The following MERTK variants were observed in gnomAD, a reference collection of about 807,000 sequenced individuals.
The protein encoded by MERTK is MER proto-oncogene, tyrosine kinase.
In MERTK, 69 loss-of-function variants were observed where a neutral mutation model predicts 99.3. The ratio of observed to expected loss-of-function variants is 0.70; its 90% confidence interval spans 0.57 to 0.85. The LOEUF is 0.85. MERTK is among the 40% of genes least tolerant of loss of function. MERTK has a pLI of 0.00. For missense variants in MERTK, 1,125 were observed against 1,249.4 expected, an observed-to-expected ratio of 0.90 and a Z score of 1.50; for synonymous variants, 426 against 467.6, an observed-to-expected ratio of 0.91 and a Z score of 1.15.
At chr2:112,025,895 A>G (rs995671482) in intron 18 of MERTK, among the ~76,000 whole-genome samples, 16 of 152,168 alleles carry the variant, frequency 1.1e-4, no homozygotes, top group African/African-American at 3.4e-4. Context: ...ACCACCATCT[A>G]TCTCCAAAAC....
At position 111,966,601 on chromosome 2, in the gene MERTK, A is replaced by G. The variant is rs1462449985; in HGVS notation, c.844+1324A>G. 3.3e-5 allele frequency among the ~76,000 whole-genome samples: 5 copies of G among 152,192 alleles called. No homozygotes were observed. In the East Asian group the frequency reaches 9.6e-4, roughly 29 times the overall value. On this transcript the variant is annotated intron_variant, in intron 5 of 18. Coordinates refer to ENST00000295408, the MANE Select transcript of MERTK (RefSeq NM_006343.3). ...AGAATCTCAGCTAAGGTTTTATTCT[A>G]TTAGATCATTCCCCAAACTTCTGTT...
chr2:111,915,034 G>A (rs780174782), intron 1 of MERTK, among the ~76,000 whole-genome samples: 2 of 152,026 alleles, frequency 1.3e-5, no homozygotes, highest in African/African-American at 4.8e-5. Context: ...TTTGTTTTTC[G>A]GTAGTTTAAA....
intron 10 of MERTK, among the ~76,000 whole-genome samples, chr2:111,999,380 C>G (rs887195393): frequency 6.6e-6 from 1 of 152,086 alleles, no homozygotes; most frequent in African/African-American, 2.4e-5. Context: ...CTCACTGCAG[C>G]CTTGTCCTCC....
intron 15 of MERTK, among the ~76,000 whole-genome samples, chr2:112,015,451 T>C (rs945915897): frequency 1.3e-5 from 2 of 152,210 alleles, no homozygotes; most frequent in Non-Finnish European, 2.9e-5. Context: ...CATCTTGCCA[T>C]GTGCTTATTT....
chr2:112,012,205 T>C (rs1270252725), intron 15 of MERTK, among the ~76,000 whole-genome samples: 5 of 152,050 alleles, frequency 3.3e-5, no homozygotes, highest in Non-Finnish European at 7.4e-5. Context: ...GGAGGGATTG[T>C]GCAGAGAAAT....
At chr2:111,951,549 A>ATATATATATATATATATATAT (rs1685057322) in intron 4 of MERTK, among the ~76,000 whole-genome samples, 1 of 118,772 alleles carries the variant, frequency 8.4e-6, no homozygotes, top group African/African-American at 2.9e-5. Flanking sequence ...ATATATATAT[A>ATATATATATATATATATATAT]CCATAATTTT....
At position 112,003,953 on chromosome 2, in the gene MERTK, C is replaced by A; in HGVS notation, c.1836C>A (p.Thr612=). The A allele has an allele frequency of 1.2e-6, 2 of 1,613,684 alleles. No individual in the cohort carries two copies. Among genetic ancestry groups the A allele is most frequent in the Non-Finnish European group, 1.7e-6 (2 of 1,179,648 alleles). Residue 612 remains threonine, a synonymous_variant, in exon 13 of 19, where the codon ACC becomes ACA. Transcript: ENST00000295408. ...GAAATCTTAAGCAGGAAGATGGGACCTCTCTGAAAGTGGCAGTGAAGACCA... is the reference window on the plus strand; with the variant it reads ...GAAATCTTAAGCAGGAAGATGGGACATCTCTGAAAGTGGCAGTGAAGACCA... ...MEGNLKQEDG[T]SLKVAVKTMK...
intron 4 of MERTK, among the ~76,000 whole-genome samples, chr2:111,956,809 A>T (rs1393135675): frequency 6.6e-6 from 1 of 152,064 alleles, no homozygotes; most frequent in Non-Finnish European, 1.5e-5. Context: ...CTACAGGGAT[A>T]AGAAGCTTTT....
intron 4 of MERTK, among the ~76,000 whole-genome samples, chr2:111,964,227 T>G (rs1274921487): frequency 2.6e-5 from 4 of 152,122 alleles, no homozygotes; most frequent in Non-Finnish European, 1.5e-5. Flanking sequence ...TTGATATCAG[T>G]AGAGACTCCT....
chr2:112,001,546 C>T (rs147900620), intron 11 of MERTK, among the ~76,000 whole-genome samples: 14 of 152,224 alleles, frequency 9.2e-5, no homozygotes, highest in Admixed American at 5.9e-4. Context: ...AAAAGAGGAA[C>T]CTTCTAGGGT....
At chr2:111,918,433 T>C (rs927738422) in intron 1 of MERTK, among the ~76,000 whole-genome samples, 1 of 152,140 alleles carries the variant, frequency 6.6e-6, no homozygotes, top group Non-Finnish European at 1.5e-5. Flanking sequence ...GAGCATCTCA[T>C]CTGGGTCTTA....
intron 11 of MERTK, among the ~76,000 whole-genome samples, 192 bp downstream of exon 11, chr2:112,001,478 T>C (rs1676868341): frequency 6.6e-6 from 1 of 152,228 alleles, no homozygotes; most frequent in African/African-American, 2.4e-5. Context: ...GCTAATTTAC[T>C]GCAATCAGGA....
chr2:111,900,667 G>C (rs1039902266), intron 1 of MERTK, among the ~76,000 whole-genome samples: 2 of 147,944 alleles, frequency 1.4e-5, no homozygotes, highest in African/African-American at 4.9e-5. Context: ...AATCCACCCA[G>C]CTGGAAGAAT....
chr2:111,991,289 G>T (rs1422853980), intron 8 of MERTK, among the ~76,000 whole-genome samples: 1 of 152,180 alleles, frequency 6.6e-6, no homozygotes, highest in Non-Finnish European at 1.5e-5. Context: ...GTGGTGGCGT[G>T]ATCTTGGCTC....
Position 112,019,402 on chromosome 2 carries a change from C to A in MERTK, c.2080-11C>A, listed in dbSNP as rs3811640. The A allele has an allele frequency of 0.29, 461,180 of 1,590,016 alleles. 70,402 individuals carry two copies. Among genetic ancestry groups the A allele is most frequent in the Admixed American group, 0.4 (24,255 of 59,946 alleles). The stretch of plus-strand genomic sequence containing the variant: ...AAGATAGTCTTTCTTCTTGTTTCCT[C>A]TATCATCTAGCATATTCCTCTGCAG... On this transcript the variant is annotated splice_polypyrimidine_tract_variant and intron_variant, in intron 15 of 18. Transcript: ENST00000295408.
rs1228624324 is a variant in MERTK, at chr2:111,992,367, G to A, written c.1297-1884G>A. ...AATACGTGGAGGTTTCCAGAGGGTG[G>A]TGCACCCAGGGCGGGCATGAAAGCT... is the stretch of plus-strand genomic sequence containing the variant. On this transcript the variant is annotated intron_variant, in intron 8 of 18. Coordinates refer to ENST00000295408, the MANE Select transcript of MERTK (RefSeq NM_006343.3). Among the ~76,000 whole-genome samples the A allele has an allele frequency of 2.4e-5, 3 of 124,704 alleles. No individual in the cohort carries two copies. In the Admixed American group the frequency reaches 2.5e-4, roughly 10 times the overall value. 81.8% of individuals were successfully genotyped at this position (124,704 alleles called of 152,430 possible). A position where few individuals can be genotyped will look rare whatever the true frequency, so the allele number is the denominator to read the frequency against.
chr2:111,980,913 C>T (rs931666778), intron 7 of MERTK, among the ~76,000 whole-genome samples: 1 of 152,166 alleles, frequency 6.6e-6, no homozygotes, highest in African/African-American at 2.4e-5. Flanking sequence ...ACTGTTGACT[C>T]CTCTTTGCCT....
At chr2:111,903,134 CTGG>C (rs72409080) in intron 1 of MERTK, among the ~76,000 whole-genome samples, 7,234 of 152,212 alleles carry the variant, frequency 0.048, 155 homozygotes, top group African/African-American at 0.058. Context: ...AGGTAAGCTC[CTGG>C]TGGCAGGGCT....
At chr2:111,925,716 CTTTG>C (rs926564876) in intron 1 of MERTK, among the ~76,000 whole-genome samples, 34 of 152,228 alleles carry the variant, frequency 2.2e-4, no homozygotes, top group Admixed American at 5.2e-4. Context: ...CAAGTTAACA[CTTTG>C]TTTGGTGAAC....
Sources: gnomAD v4.1 joint callset for allele counts (sites outside exome capture counted in the v4.1 genomes callset) on GRCh38, gnomAD v4.1.1 for gene constraint, MANE v1.5 for transcripts, NCBI Gene and HGNC (gene_info 2026-07-23, HGNC 2026-07-21) for gene names.